DDX10: variants seen among roughly 807,000 people sequenced by gnomAD.
The protein encoded by DDX10 is DEAD-box helicase 10, also known as probable ATP-dependent RNA helicase DDX10.
In DDX10, 74 loss-of-function variants were observed where a neutral mutation model predicts 104.3. The observed-to-expected ratio is 0.71, with a 90% CI of 0.59 to 0.86. The LOEUF is 0.86. DDX10 is among the 40% of genes least tolerant of loss of function. The pLI is 0.00. For synonymous variants in DDX10, 351 were observed against 353.4 expected (o/e 0.99, Z 0.08); for missense variants, 952 against 1,040.0 (o/e 0.92, Z 1.16).
intron 9 of DDX10, among the ~76,000 whole-genome samples, chr11:108,701,860 A>G (rs1353254871): frequency 4.0e-5 from 6 of 151,098 alleles, no homozygotes; most frequent in Non-Finnish European, 5.9e-5. Flanking sequence ...TAATTTTTGT[A>G]CTTTTAGCAG....
chr11:108,697,505 C>G (rs1345659134), intron 9 of DDX10, among the ~76,000 whole-genome samples: 2 of 151,924 alleles, frequency 1.3e-5, no homozygotes, highest in Admixed American at 1.3e-4. Flanking sequence ...CATATTTTAG[C>G]TAAAAAAGTG....
chr11:108,813,702 T>C (rs571363497), intron 13 of DDX10, among the ~76,000 whole-genome samples: 1 of 152,306 alleles, frequency 6.6e-6, no homozygotes, highest in East Asian at 1.9e-4. Context: ...TTTTATGGTT[T>C]AATATTTTGC....
In DDX10 at chr11:108,841,372, G is replaced by C. The variant is rs200579431; in HGVS notation, c.2143G>C (p.Asp715His). The C allele has an allele frequency of 6.2e-7, 1 of 1,613,772 alleles. No individual in the cohort carries two copies. Among genetic ancestry groups the C allele is most frequent in the African/African-American group, 1.3e-5 (1 of 75,004 alleles). ...KSAIKDAEEDDDTGGINLHKA... is the reference protein window; with the variant it reads ...KSAIKDAEEDHDTGGINLHKA... The stretch of plus-strand genomic sequence containing the variant: ...TGCCATCAAGGATGCTGAGGAAGAT[G>C]ATGACACAGGTGGTATCAACTTACA... Residue 715 changes from aspartate (D) to histidine (H), a missense_variant, in exon 15 of 18, where the codon GAT becomes CAT. By Grantham distance (81) the Asp-to-His change is moderately conservative. Around this residue, in one of 3 missense-constraint regions of DDX10, gnomAD observed 533 missense variants for 534.1 expected, o/e 1.00. Coordinates refer to ENST00000322536, the MANE Select transcript of DDX10 (RefSeq NM_004398.4).
chr11:108,848,404 C>G (rs1862747611), intron 15 of DDX10, among the ~76,000 whole-genome samples: 1 of 152,140 alleles, frequency 6.6e-6, no homozygotes, highest in Non-Finnish European at 1.5e-5. Context: ...GTGCCTAATT[C>G]TGAAATGGAT....
At chr11:108,939,165 G>A (rs1240524975) in intron 17 of DDX10, among the ~76,000 whole-genome samples, 1 of 152,158 alleles carries the variant, frequency 6.6e-6, no homozygotes. Context: ...GGTTAGAAGT[G>A]TTAACTAAAG....
intron 13 of DDX10, among the ~76,000 whole-genome samples, chr11:108,813,789 C>T (rs1565286905): frequency 6.6e-6 from 1 of 152,058 alleles, no homozygotes; most frequent in East Asian, 1.9e-4. Context: ...TTCTATATAA[C>T]TACCCAATTA....
chr11:108,913,599 G>C (rs1244603974), intron 16 of DDX10, among the ~76,000 whole-genome samples: 1 of 152,124 alleles, frequency 6.6e-6, no homozygotes, highest in Non-Finnish European at 1.5e-5. Flanking sequence ...TGGGAGACAG[G>C]TTTGCCTGAC....
At chr11:108,723,551 C>CT in intron 13 of DDX10, 89 bp downstream of exon 13, 1 of 1,333,242 alleles carries the variant, frequency 7.5e-7, no homozygotes, top group Non-Finnish European at 1.0e-6. Context: ...AAAGTGAAAA[C>CT]TAAGAAACTT....
intron 11 of DDX10, among the ~76,000 whole-genome samples, chr11:108,719,194 A>G (rs79802069): frequency 0.07 from 10,622 of 151,688 alleles, 416 homozygotes; most frequent in Middle Eastern, 0.12. Flanking sequence ...CTTTAGCAAT[A>G]AAGTTTTTCC....
chr11:108,817,144 C>G (rs1322310430), intron 13 of DDX10, among the ~76,000 whole-genome samples: 9 of 152,118 alleles, frequency 5.9e-5, no homozygotes, highest in African/African-American at 1.9e-4. Context: ...TTGCAGTTTC[C>G]AAGAACTTAT....
At chr11:108,827,183 T>A (rs1862406968) in intron 13 of DDX10, among the ~76,000 whole-genome samples, 1 of 152,244 alleles carries the variant, frequency 6.6e-6, no homozygotes, top group African/African-American at 2.4e-5. Context: ...ATTCACTAAT[T>A]CTTCTTTCAA....
intron 6 of DDX10, among the ~76,000 whole-genome samples, chr11:108,681,392 C>T (rs1289083856): frequency 1.3e-5 from 2 of 151,982 alleles, no homozygotes; most frequent in Admixed American, 6.5e-5. Flanking sequence ...TTTACAAAAC[C>T]TCAGGTTATA....
intron 13 of DDX10, among the ~76,000 whole-genome samples, chr11:108,771,767 A>T (rs1399172776): frequency 2.0e-5 from 3 of 152,210 alleles, no homozygotes; most frequent in Admixed American, 1.3e-4. Context: ...TTGGTAAAGA[A>T]GTTGTAGTCG....
chr11:108,874,358 G>T (rs1449387108), intron 16 of DDX10, among the ~76,000 whole-genome samples: 2 of 152,154 alleles, frequency 1.3e-5, no homozygotes, highest in African/African-American at 4.8e-5. Context: ...TGAAGCAAGG[G>T]ATTTCTCCCC....
chr11:108,778,314 C>T (rs1302831994), intron 13 of DDX10, among the ~76,000 whole-genome samples: 1 of 151,992 alleles, frequency 6.6e-6, no homozygotes, highest in Non-Finnish European at 1.5e-5. Context: ...CTACAGTAAC[C>T]AAAACAGCAT....
intron 9 of DDX10, among the ~76,000 whole-genome samples, chr11:108,704,657 A>G (rs1235227567): frequency 6.6e-6 from 1 of 152,208 alleles, no homozygotes; most frequent in Non-Finnish European, 1.5e-5. Context: ...GTCTGCTTTA[A>G]ATTCATAATT....
intron 13 of DDX10, among the ~76,000 whole-genome samples, chr11:108,762,643 C>T (rs2094352049): frequency 6.6e-6 from 1 of 151,336 alleles, no homozygotes; most frequent in African/African-American, 2.4e-5. Flanking sequence ...ATTGTGTAGG[C>T]AAGGTGGATC....
intron 6 of DDX10, 83 bp from the exon 7 acceptor site, chr11:108,688,853 T>C: frequency 6.7e-7 from 1 of 1,490,010 alleles, no homozygotes; most frequent in South Asian, 1.3e-5. Context: ...GTGCCACTAT[T>C]AAAACTTGTT....
At chr11:108,799,057 A>ATATT (rs1176160499) in intron 13 of DDX10, among the ~76,000 whole-genome samples, 1 of 152,156 alleles carries the variant, frequency 6.6e-6, no homozygotes, top group Non-Finnish European at 1.5e-5. Context: ...TTTGGATAGA[A>ATATT]TATTTATTTT....
Sources: allele counts gnomAD v4.1 joint callset (sites outside exome capture counted in the v4.1 genomes callset), GRCh38; gene constraint gnomAD v4.1.1; regional missense constraint gnomAD v4.1.1; transcripts MANE v1.5; gene names NCBI Gene and HGNC (gene_info 2026-07-23, HGNC 2026-07-21).